Variants in ZSCAN5A observed in about 807,000 individuals in gnomAD.
ZSCAN5A encodes zinc finger and SCAN domain-containing protein 5A.
Under a neutral mutation model 23.7 loss-of-function variants are expected in ZSCAN5A, and 12 were observed. The ratio of observed to expected loss-of-function variants is 0.51; its 90% CI spans 0.32 to 0.82. ZSCAN5A has a LOEUF of 0.82. ZSCAN5A is among the 40% of genes least tolerant of loss of function. ZSCAN5A has a pLI of 0.03. For synonymous variants in ZSCAN5A, 257 were observed against 239.9 expected (o/e 1.07, Z -0.66); for missense variants, 597 against 617.9 (o/e 0.97, Z 0.36).
rs1283416275 is a variant in ZSCAN5A, at chr19:56,290,734, G to A, written c.-128+22549C>T. On this transcript the variant is annotated intron_variant, in intron 2 of 5. Transcript: ENST00000683990. The stretch of plus-strand genomic sequence containing the variant: ...CATAAACAGTTTAAAATAGTTTTAC[G>A]ATATTGAATGGAGGAATAATTGAAT... Among the ~76,000 whole-genome samples, 5 of 152,118 alleles carry A rather than the reference G, an allele frequency of 3.3e-5. No individual in the cohort carries two copies. In the East Asian group the frequency reaches 7.7e-4, roughly 23 times the overall value.
intron 2 of ZSCAN5A, among the ~76,000 whole-genome samples, chr19:56,281,180 T>C (rs2038669567): frequency 6.6e-6 from 1 of 152,164 alleles, no homozygotes; most frequent in Non-Finnish European, 1.5e-5. Context: ...TGGAAGTGGA[T>C]CATTATCAAG....
At chr19:56,336,778 CTGTT>C (rs1278641020) in intron 2 of ZSCAN5A, among the ~76,000 whole-genome samples, 2 of 152,144 alleles carry the variant, frequency 1.3e-5, no homozygotes, top group African/African-American at 4.8e-5. Context: ...GATGTCCTTT[CTGTT>C]TGTTAGTTTT....
intron 2 of ZSCAN5A, among the ~76,000 whole-genome samples, chr19:56,343,674 C>T (rs745975446): frequency 3.9e-5 from 6 of 152,210 alleles, no homozygotes; most frequent in Non-Finnish European, 5.9e-5. Flanking sequence ...GGTTTGCCTC[C>T]GGCACTCACT....
chr19:56,241,982 C>T (rs6509985), intron 2 of ZSCAN5A, among the ~76,000 whole-genome samples: 26,884 of 151,784 alleles, frequency 0.18, 2,640 homozygotes, highest in East Asian at 0.27. Flanking sequence ...TTCAACCCTC[C>T]CTCCCTCTAT....
chr19:56,270,257 A>C (rs2037755078), intron 2 of ZSCAN5A, among the ~76,000 whole-genome samples: 1 of 152,076 alleles, frequency 6.6e-6, no homozygotes, highest in Admixed American at 6.6e-5. Flanking sequence ...GTCTCTACTA[A>C]AAATACAAAA....
At chr19:56,347,829 G>C (rs1014694262) in intron 2 of ZSCAN5A, 2 of 152,276 alleles carry the variant, frequency 1.3e-5, no homozygotes, top group African/African-American at 4.8e-5. Flanking sequence ...TAATAATATG[G>C]ACCAGGAGGA....
At chr19:56,248,385 G>A (rs1446387111) in intron 2 of ZSCAN5A, among the ~76,000 whole-genome samples, 1 of 151,938 alleles carries the variant, frequency 6.6e-6, no homozygotes, top group East Asian at 1.9e-4. Context: ...CTTGGCCGCC[G>A]GAGTAGCTGG....
intron 2 of ZSCAN5A, among the ~76,000 whole-genome samples, chr19:56,230,385 C>T (rs530929432): frequency 6.6e-6 from 1 of 152,258 alleles, no homozygotes; most frequent in South Asian, 2.1e-4. Flanking sequence ...TACCCGGCCC[C>T]AACATATTAT....
rs756931660 is a variant in ZSCAN5A, at chr19:56,222,276, C to T, written c.790G>A (p.Val264Met). The part of the protein sequence containing the change: ...EGKDPPKIAS[V>M]ENVDADTPSA... ...GGTGTGTCAGCATCCACATTTTCCA[C>T]AGAGGCTATTTTTGGGGGGTCCTTC... Residue 264 changes from valine to methionine, a missense_variant, in exon 6 of 6, where the codon GTG becomes ATG. Around this residue, in one of 5 missense-constraint regions of ZSCAN5A, gnomAD observed 406 missense variants for 353.2 expected, o/e 1.15. Transcript: ENST00000683990. 1 of 1,613,598 alleles carries T rather than the reference C, an allele frequency of 6.2e-7. No homozygotes were observed.
intron 2 of ZSCAN5A, among the ~76,000 whole-genome samples, chr19:56,301,168 A>C (rs763186914): frequency 5.5e-4 from 83 of 152,230 alleles, no homozygotes; most frequent in Non-Finnish European, 3.4e-4. Context: ...TTATTAAGAA[A>C]GTAAAGGAAT....
chr19:56,325,939 G>GTT (rs200126826), intron 2 of ZSCAN5A, among the ~76,000 whole-genome samples: 7 of 146,814 alleles, frequency 4.8e-5, no homozygotes, highest in East Asian at 2.0e-4. Flanking sequence ...ATATATTGTG[G>GTT]TTTTTTTTTT....
chr19:56,256,546 T>C (rs571845396), intron 2 of ZSCAN5A, among the ~76,000 whole-genome samples: 65 of 152,336 alleles, frequency 4.3e-4, no homozygotes, highest in Non-Finnish European at 6.8e-4. Flanking sequence ...GGTGTGTGCG[T>C]GTATACATAT....
chr19:56,230,615 A>ATATGTGTGTGTGTGTGTGTGTGTGTG (rs778155664), intron 2 of ZSCAN5A, among the ~76,000 whole-genome samples: 1 of 147,588 alleles, frequency 6.8e-6, no homozygotes, highest in Admixed American at 6.8e-5. Context: ...TTATTTCTTG[A>ATATGTGTGTGTGTGTGTGTGTGTGTG]TGTGTGTGTG....
At chr19:56,305,491 G>A (rs114499040) in intron 2 of ZSCAN5A, among the ~76,000 whole-genome samples, 230 of 152,336 alleles carry the variant, frequency 1.5e-3, no homozygotes, top group African/African-American at 5.3e-3. Context: ...CAGGTAAAGT[G>A]CACTGGGTTG....
At chr19:56,328,869 T>C (rs1195027960) in intron 2 of ZSCAN5A, among the ~76,000 whole-genome samples, 3 of 149,012 alleles carry the variant, frequency 2.0e-5, no homozygotes, top group African/African-American at 7.4e-5. Context: ...GTGGCGGGCA[T>C]CTGTAGTCCC....
At chr19:56,289,673 G>A (rs1296610521) in intron 2 of ZSCAN5A, among the ~76,000 whole-genome samples, 6 of 152,114 alleles carry the variant, frequency 3.9e-5, no homozygotes, top group African/African-American at 1.2e-4. Context: ...GAGTGCAGTA[G>A]TGCAATCATA....
At chr19:56,343,986 A>G (rs966990972) in intron 2 of ZSCAN5A, among the ~76,000 whole-genome samples, 15 of 152,240 alleles carry the variant, frequency 9.9e-5, no homozygotes, top group African/African-American at 3.6e-4. Context: ...TATTCATCCC[A>G]TTACATTTAC....
chr19:56,234,438 G>A (rs921462160), intron 2 of ZSCAN5A, among the ~76,000 whole-genome samples: 1 of 152,152 alleles, frequency 6.6e-6, no homozygotes, highest in African/African-American at 2.4e-5. Context: ...AGAATAGGGT[G>A]AGGGAAGAGA....
At chr19:56,226,903 T>A (rs1415636472) in intron 2 of ZSCAN5A, among the ~76,000 whole-genome samples, 1 of 152,004 alleles carries the variant, frequency 6.6e-6, no homozygotes, top group Admixed American at 6.6e-5. Flanking sequence ...AGGTACCCAC[T>A]GAATCTAAAA....
Sources: gnomAD v4.1 joint callset for allele counts (sites outside exome capture counted in the v4.1 genomes callset) on GRCh38, gnomAD v4.1.1 for gene constraint, gnomAD v4.1.1 regional missense constraint, MANE v1.5 for transcripts, NCBI Gene and HGNC (gene_info 2026-07-23, HGNC 2026-07-21) for gene names.